Variants in SYN1 observed in about 807,000 individuals in gnomAD.
SYN1 encodes synapsin-1.
In SYN1, 8 loss-of-function variants were observed where a neutral mutation model predicts 44.6. The ratio of observed to expected loss-of-function variants is 0.18; its 90% CI spans 0.11 to 0.32. The LOEUF (loss-of-function observed/expected upper bound fraction) is 0.32. SYN1 is among the 10% of genes least tolerant of loss of function. SYN1 has a pLI of 1.00. For synonymous variants in SYN1, 275 were observed against 280.1 expected (o/e 0.98, Z 0.18); for missense variants, 451 against 639.4 (o/e 0.71, Z 3.18).
rs574998925 is a variant in SYN1, at chrX:47,590,459, G to A, written c.775-12958C>T. On this transcript the variant is annotated intron_variant, in intron 5 of 12. Coordinates refer to ENST00000295987, the MANE Select transcript of SYN1 (RefSeq NM_006950.3). The stretch of plus-strand genomic sequence containing the variant: ...AATACTATGTTCCCAACTTCAGCCC[G>A]TCACAGCAAATTCTGTCCCCAGTCC... Among the ~76,000 whole-genome samples the A allele has an allele frequency of 1.2e-4, 13 of 111,981 alleles. No homozygotes were observed. In the South Asian group the frequency reaches 4.5e-3, roughly 39 times the overall value.
chrX:47,582,748 C>T (rs1471096341), intron 5 of SYN1, among the ~76,000 whole-genome samples: 1 of 90,171 alleles, frequency 1.1e-5, no homozygotes, highest in Non-Finnish European at 2.1e-5. Context: ...CAAATCCCCC[C>T]GCAAATTCCT....
At chrX:47,589,378 G>A (rs2057839703) in intron 5 of SYN1, among the ~76,000 whole-genome samples, 1 of 108,093 alleles carries the variant, frequency 9.3e-6, no homozygotes, top group Admixed American at 1.0e-4. Flanking sequence ...CAGATCACGA[G>A]GTCAGGAGAT....
At chrX:47,598,198 T>C (rs1365055304) in intron 5 of SYN1, among the ~76,000 whole-genome samples, 1 of 112,124 alleles carries the variant, frequency 8.9e-6, no homozygotes, top group Non-Finnish European at 1.9e-5. Context: ...GACAACTGCA[T>C]AAAGCAATAA....
chrX:47,576,342 T>C lies in SYN1; in HGVS notation c.1045A>G (p.Met349Val). The change falls in exon 8 of 13, where the codon ATG (methionine) becomes GTG (valine). Residue 349 changes from methionine to valine, a missense_variant. By Grantham distance (21) the Met-to-Val change is conservative. This residue lies in a region of SYN1 where 315 missense variants were observed against 451.4 expected (regional missense o/e 0.70). Transcript: ENST00000295987. ...TGSAMLEQIA[M>V]SDRYKLWVDT... is the part of the protein sequence containing the mutation. ...GTTCGGGCTGCCCACCTGTCAGACA[T>C]GGCAATTTGCTCCAGCATCGCAGAG... 8.3e-7 allele frequency: 1 copy of C among 1,211,804 alleles called. No individual in the cohort carries two copies.
intron 1 of SYN1, among the ~76,000 whole-genome samples, chrX:47,608,673 C>G (rs184172669): frequency 9.1e-6 from 1 of 109,673 alleles, no homozygotes; most frequent in South Asian, 3.9e-4. Flanking sequence ...AGGAACATCA[C>G]GAACTGCTAT....
intron 10 of SYN1, 114 bp downstream of exon 10, chrX:47,575,014 G>T: frequency 9.9e-7 from 1 of 1,008,545 alleles, no homozygotes; most frequent in Non-Finnish European, 1.4e-6. Context: ...GCAGCCACAT[G>T]TGTGCAAAGG....
Position 47,575,115 on chromosome X carries a change from C to G in SYN1, c.1305+13G>C, listed in dbSNP as rs749347824. On this transcript the variant is annotated intron_variant, in intron 10 of 12. Coordinates refer to ENST00000295987, the MANE Select transcript of SYN1 (RefSeq NM_006950.3). The stretch of plus-strand genomic sequence containing the variant: ...ACTAGCTCAAGCCACTAGCTCAGCG[C>G]CAGGGGCCTGACCTGGCCATGGGAG... 24 of 1,184,619 alleles carry G rather than the reference C, an allele frequency of 2.0e-5. No individual in the cohort carries two copies. The highest frequency in any genetic ancestry group is 2.7e-5 in the Non-Finnish European group (24 of 882,310).
chrX:47,579,800 A>AGC (rs1181338260), intron 5 of SYN1, among the ~76,000 whole-genome samples: 1 of 109,594 alleles, frequency 9.1e-6, no homozygotes, highest in East Asian at 2.9e-4. Flanking sequence ...TTTCATAATC[A>AGC]GCTCCTACAG....
Position 47,619,847 on chromosome X carries a change from C to A in SYN1, c.-119G>T. ...GGCACGACACGACTCCTCCGCTGCCCACCGCAGACTGAGGCAGCGCTGAGT... is the reference window on the plus strand; with the variant it reads ...GGCACGACACGACTCCTCCGCTGCCAACCGCAGACTGAGGCAGCGCTGAGT... On this transcript the variant is annotated 5_prime_UTR_variant, in exon 1 of 13. Transcript: ENST00000295987. 1.3e-6 allele frequency: 1 copy of A among 795,910 alleles called. No individual in the cohort carries two copies. The highest frequency in any genetic ancestry group is 1.7e-6 in the Non-Finnish European group (1 of 575,586). 65.6% of individuals were successfully genotyped at this position (795,910 alleles called of 1,213,427 possible). A position where few individuals can be genotyped will look rare whatever the true frequency, so the allele number is the denominator to read the frequency against.
intron 5 of SYN1, among the ~76,000 whole-genome samples, chrX:47,602,997 A>C (rs2057884484): frequency 9.3e-6 from 1 of 107,982 alleles, no homozygotes; most frequent in African/African-American, 3.3e-5. Context: ...TAGTAATCAA[A>C]ATTTTAATAT....
rs990298073 is a variant in SYN1, at chrX:47,585,100, C to T, written c.775-7599G>A. 2.9e-4 allele frequency: 335 copies of T among 1,165,220 alleles called. 1 individual carries two copies. The highest frequency in any genetic ancestry group is 3.6e-4 in the Non-Finnish European group (308 of 866,090). On this transcript the variant is annotated intron_variant, in intron 5 of 12. Transcript: ENST00000295987. ...AGAAACTTCTGGCCACTGGTTGGTG[C>T]GAGAAAGTTGGCTGTGATCTTGGGA... is the stretch of plus-strand genomic sequence containing the variant.
At position 47,619,628 on chromosome X, in the gene SYN1, G is replaced by A. The variant is rs2147933524; in HGVS notation, c.101C>T (p.Pro34Leu). The change falls in exon 1 of 13, where the codon CCG becomes CTG. Residue 34 changes from proline to leucine, a missense_variant. Pro to Leu is a moderately conservative substitution (Grantham distance 98, BLOSUM62 -3). Coordinates refer to ENST00000295987, the MANE Select transcript of SYN1 (RefSeq NM_006950.3). ...GGCTCCGGGGCTGTGGGCACCGGGC[G>A]GCGGTGGGGGCGGCTGCGGACGCTG... ...DLQRPQPPPP[P>L]PGAHSPGATP... 1.7e-6 allele frequency: 2 copies of A among 1,159,848 alleles called. No homozygotes were observed. Among genetic ancestry groups the A allele is most frequent in the Non-Finnish European group, 2.3e-6 (2 of 868,942 alleles).
At chrX:47,599,565 C>T (rs2057873743) in intron 5 of SYN1, among the ~76,000 whole-genome samples, 1 of 112,624 alleles carries the variant, frequency 8.9e-6, no homozygotes, top group South Asian at 3.6e-4. Flanking sequence ...TAGGATTTGA[C>T]ATTTTCAATG....
chrX:47,585,052 A>C (rs758621364), intron 5 of SYN1: 2 of 1,196,532 alleles, frequency 1.7e-6, no homozygotes, highest in East Asian at 5.9e-5. Flanking sequence ...AGCATTTTCT[A>C]ACATCTTCCT....
At chrX:47,604,891 C>T (rs994094374) in intron 5 of SYN1, 87 bp downstream of exon 5, 17 of 866,051 alleles carry the variant, frequency 2.0e-5, no homozygotes, top group South Asian at 8.5e-5. Flanking sequence ...CTCTTGATAT[C>T]GCACTGCTGA....
At chrX:47,617,280 A>C (rs2057934055) in intron 1 of SYN1, among the ~76,000 whole-genome samples, 1 of 111,072 alleles carries the variant, frequency 9.0e-6, no homozygotes, top group Non-Finnish European at 1.9e-5. Context: ...CCCTAGAGAG[A>C]GAGCTCTTGA....
intron 5 of SYN1, among the ~76,000 whole-genome samples, chrX:47,589,315 C>T (rs1470578239): frequency 1.2e-4 from 12 of 99,376 alleles, no homozygotes; most frequent in Non-Finnish European, 2.0e-5. Flanking sequence ...AAAAAAAGGC[C>T]GGGCATGGTG....
intron 5 of SYN1, among the ~76,000 whole-genome samples, chrX:47,578,443 C>T (rs184363504): frequency 4.7e-4 from 52 of 111,696 alleles, no homozygotes; most frequent in African/African-American, 1.6e-3. Flanking sequence ...AAGAGACCCA[C>T]GCCACATTCC....
intron 5 of SYN1, chrX:47,585,342 G>C (rs745627114): frequency 8.3e-7 from 1 of 1,211,185 alleles, no homozygotes; most frequent in African/African-American, 1.7e-5. Context: ...GTGAGGCACC[G>C]TCCCCGCGCC....
Sources: gnomAD v4.1 joint callset for allele counts (sites outside exome capture counted in the v4.1 genomes callset) on GRCh38, gnomAD v4.1.1 for gene constraint, gnomAD v4.1.1 regional missense constraint, MANE v1.5 for transcripts, NCBI Gene and HGNC (gene_info 2026-07-23, HGNC 2026-07-21) for gene names.